C8orf89: variants seen among roughly 807,000 people sequenced by gnomAD.
The protein encoded by C8orf89 is putative uncharacterized protein C8orf89.
In C8orf89, 14 loss-of-function variants were observed where a neutral mutation model predicts 15.8. The observed-to-expected ratio is 0.89, with a 90% confidence interval of 0.59 to 1.39. C8orf89 has a LOEUF of 1.39. Among genes scored for constraint, C8orf89 ranks in the 40% most tolerant of loss-of-function variants. C8orf89 has a pLI of 0.00. For missense variants in C8orf89, 181 were observed against 184.5 expected, an observed-to-expected ratio of 0.98 and a Z score of 0.11; for synonymous variants, 55 against 62.2, an observed-to-expected ratio of 0.88 and a Z score of 0.54.
At chr8:73,280,700 CATATACATATATATATACACATATAT>C in the C8orf89 span, among the ~76,000 whole-genome samples, 2 of 144,618 alleles carry the variant, frequency 1.4e-5, no homozygotes, top group Non-Finnish European at 3.2e-5. Context: ...TATACACATA[CATATACATATATATATACACATATAT>C]ATACACATAT....
At chr8:73,243,286 T>A (rs1466708701) in intron 3 of C8orf89, among the ~76,000 whole-genome samples, 3 of 152,200 alleles carry the variant, frequency 2.0e-5, no homozygotes, top group South Asian at 2.1e-4. Flanking sequence ...TCTAATCGTA[T>A]ATTTAAAAAT....
At chr8:73,249,260 G>A (rs1032515408) in intron 3 of C8orf89, among the ~76,000 whole-genome samples, 2 of 152,170 alleles carry the variant, frequency 1.3e-5, no homozygotes, top group Non-Finnish European at 2.9e-5. Context: ...TTGCACTGCA[G>A]GGATAAAGCC....
At chr8:73,256,936 A>G (rs1451119496) in intron 2 of C8orf89, 37 bp downstream of exon 2, 3 of 1,484,658 alleles carry the variant, frequency 2.0e-6, no homozygotes, top group East Asian at 2.5e-5. Flanking sequence ...CTACAAATAC[A>G]CATTCAACAA....
intron 2 of C8orf89, among the ~76,000 whole-genome samples, chr8:73,255,799 G>A (rs1351780814): frequency 2.6e-5 from 4 of 151,632 alleles, no homozygotes; most frequent in African/African-American, 9.7e-5. Flanking sequence ...ATGAGTTCAT[G>A]TCCTTTGTAG....
intron 3 of C8orf89, among the ~76,000 whole-genome samples, chr8:73,248,598 T>C (rs1312381657): frequency 6.6e-6 from 1 of 152,200 alleles, no homozygotes; most frequent in Non-Finnish European, 1.5e-5. Context: ...TACTTGTTTG[T>C]GTCATCTCTG....
At chr8:73,272,595 C>A in the C8orf89 span, among the ~76,000 whole-genome samples, 32 of 151,626 alleles carry the variant, frequency 2.1e-4, no homozygotes, top group East Asian at 6.2e-3. Flanking sequence ...CTAATGCTAT[C>A]CCTCCCCCCT....
At chr8:73,274,232 T>C in the C8orf89 span, among the ~76,000 whole-genome samples, 333 of 152,150 alleles carry the variant, frequency 2.2e-3, 1 homozygote, top group Non-Finnish European at 3.4e-3. Context: ...CAGCTCACTG[T>C]AAGCTCCGCC....
chr8:73,263,779 T>G (rs1050624930), upstream of C8orf89, among the ~76,000 whole-genome samples: 1 of 152,138 alleles, frequency 6.6e-6, no homozygotes, highest in Non-Finnish European at 1.5e-5. Context: ...ATGAACCAAG[T>G]TTATTTCAGA....
In C8orf89 at chr8:73,256,977, C is replaced by G. The variant is rs1813406934; in HGVS notation, c.277G>C (p.Val93Leu). ...AATTAAATAGCAATGATCTACCTGA[C>G]TGCAGACACCTCGGCATCAGCACGT... is the stretch of plus-strand genomic sequence containing the variant. ...LPRADAEVSA[V>L]RLKKTKETCS... Residue 93 changes from valine (V) to leucine (L), a missense_variant, in exon 2 of 4, where the codon GTC becomes CTC. By Grantham distance (32) the Val-to-Leu change is conservative (BLOSUM62 1). Transcript: ENST00000624510. 1 of 1,533,376 alleles carries G rather than the reference C, an allele frequency of 6.5e-7. No homozygotes were observed. The highest frequency in any genetic ancestry group is 1.4e-5 in the African/African-American group (1 of 72,902). The allele number at this position is 1,533,376 out of a possible 1,614,324, so 95.0% of individuals were successfully genotyped here. A position where few individuals can be genotyped will look rare whatever the true frequency, so the allele number is the denominator to read the frequency against.
chr8:73,267,583 T>C, the C8orf89 span, among the ~76,000 whole-genome samples: 1 of 152,176 alleles, frequency 6.6e-6, no homozygotes, highest in East Asian at 1.9e-4. Flanking sequence ...AACTAATAAA[T>C]GAGGGAATTA....
chr8:73,257,889 G>A (rs1017395720), intron 1 of C8orf89, among the ~76,000 whole-genome samples: 1 of 152,080 alleles, frequency 6.6e-6, no homozygotes, highest in Non-Finnish European at 1.5e-5. Context: ...TGTTCAAAAT[G>A]TTATTTTGTA....
intron 2 of C8orf89, among the ~76,000 whole-genome samples, chr8:73,253,182 G>A (rs1813287334): frequency 6.6e-6 from 1 of 152,156 alleles, no homozygotes; most frequent in Non-Finnish European, 1.5e-5. Flanking sequence ...ACAAATATCT[G>A]AAGAACAAAT....
intron 2 of C8orf89, among the ~76,000 whole-genome samples, chr8:73,253,829 T>C (rs1278960365): frequency 3.4e-5 from 5 of 149,004 alleles, no homozygotes; most frequent in Non-Finnish European, 7.4e-5. Flanking sequence ...AAGGAGATTT[T>C]GGGCTGAGAT....
intron 2 of C8orf89, among the ~76,000 whole-genome samples, chr8:73,253,381 C>A (rs1347608398): frequency 6.6e-6 from 1 of 152,150 alleles, no homozygotes; most frequent in African/African-American, 2.4e-5. Context: ...ATGCCTCCAG[C>A]TTTATTCTTT....
chr8:73,284,979 G>A, the C8orf89 span, among the ~76,000 whole-genome samples: 2 of 152,200 alleles, frequency 1.3e-5, no homozygotes, highest in Non-Finnish European at 2.9e-5. Context: ...CAGTAGAAAA[G>A]ACTACCTATG....
At chr8:73,268,715 C>T in the C8orf89 span, among the ~76,000 whole-genome samples, 5 of 152,028 alleles carry the variant, frequency 3.3e-5, no homozygotes, top group Admixed American at 2.0e-4. Flanking sequence ...TAAAATGATA[C>T]AATGTTTGTG....
chr8:73,258,628 AT>A (rs10691611), intron 1 of C8orf89, among the ~76,000 whole-genome samples: 2,719 of 137,230 alleles, frequency 0.02, 46 homozygotes, highest in African/African-American at 0.056. Context: ...TTTGGTTAGA[AT>A]TTTTTTTTTT....
the C8orf89 span, among the ~76,000 whole-genome samples, chr8:73,268,264 G>A: frequency 2.9e-3 from 447 of 152,234 alleles, 3 homozygotes; most frequent in Non-Finnish European, 5.5e-3. Flanking sequence ...CAGATCACGA[G>A]GTCAGGAGTT....
Position 73,259,410 on chromosome 8 carries a change from T to C in C8orf89, c.49A>G (p.Arg17Gly), listed in dbSNP as rs918903860. The C allele has an allele frequency of 1.2e-5, 18 of 1,534,092 alleles. No individual in the cohort carries two copies. The highest frequency in any genetic ancestry group is 7.9e-5 in the Admixed American group (4 of 50,784). Residue 17 changes from arginine to glycine, a missense_variant, in exon 1 of 4, where the codon AGA becomes GGA. Transcript: ENST00000624510. ...ATCAAACAACTGCCAAAGGAACTTC[T>C]GGTGAATTTAGAAGTCTCACATTTG... ...EIKCETSKFT[R>G]SSFGSCLIFE...
Sources: gnomAD v4.1 joint callset for allele counts (sites outside exome capture counted in the v4.1 genomes callset) on GRCh38, gnomAD v4.1.1 for gene constraint, MANE v1.5 for transcripts, NCBI Gene and HGNC (gene_info 2026-07-23, HGNC 2026-07-21) for gene names.